The following EWSR1 variants were observed in gnomAD, a reference collection of about 807,000 sequenced individuals.
The protein encoded by EWSR1 is EWS RNA binding protein 1.
EWSR1 carries 14 observed loss-of-function variants against 92.1 expected under a neutral mutation model. The ratio of observed to expected loss-of-function variants is 0.15; its 90% CI spans 0.10 to 0.24. EWSR1 has a LOEUF of 0.24. Ranked by LOEUF, EWSR1 falls within the 10% of genes least tolerant of loss-of-function variation. The probability of loss-of-function intolerance (pLI) is 1.00; values close to 1 mark genes in which losing one functional copy is unlikely to be tolerated. For missense variants in EWSR1, 637 were observed against 870.9 expected (o/e 0.73, Z 3.38); for synonymous variants, 303 against 292.9 (o/e 1.03, Z -0.35).
chr22:29,287,837 A>G (rs2060163192), intron 7 of EWSR1, among the ~76,000 whole-genome samples: 1 of 152,150 alleles, frequency 6.6e-6, no homozygotes, highest in Non-Finnish European at 1.5e-5. Flanking sequence ...TTTGATAGTC[A>G]AGTAAAAGCT....
chr22:29,278,279 C>T, intron 5 of EWSR1, 63 bp downstream of exon 5: 1 of 1,485,990 alleles, frequency 6.7e-7, no homozygotes, highest in Non-Finnish European at 9.1e-7. Flanking sequence ...CAACTGTGTA[C>T]ACTTAAAATA....
At chr22:29,292,972 A>G (rs977724361) in intron 11 of EWSR1, among the ~76,000 whole-genome samples, 6 of 150,308 alleles carry the variant, frequency 4.0e-5, no homozygotes, top group African/African-American at 1.5e-4. Context: ...CGGGTCTCAA[A>G]CTCCTGACCT....
Position 29,296,378 on chromosome 22 carries a change from ACTCACTGGCAT to A in EWSR1, c.1294+11_1294+21del, listed in dbSNP as rs1230696744. 1.2e-6 allele frequency: 2 copies of A among 1,613,402 alleles called. No homozygotes were observed. Among genetic ancestry groups the A allele is most frequent in the African/African-American group, 2.7e-5 (2 of 74,916 alleles). On this transcript the variant is annotated intron_variant, in intron 12 of 16. Transcript: ENST00000397938. The stretch of plus-strand genomic sequence containing the variant: ...GTGGAATGGTTTGATGGTGAGATGT[ACTCACTGGCAT>A]TCTTAATCTCCCTGGCTATAGAATA...
chr22:29,284,700 C>T (rs948278890), intron 6 of EWSR1, among the ~76,000 whole-genome samples: 2 of 151,200 alleles, frequency 1.3e-5, no homozygotes, highest in Non-Finnish European at 2.9e-5. Flanking sequence ...CAGTCGTAGC[C>T]CCCTGTAGCC....
At chr22:29,274,143 A>G (rs2058917988) in intron 4 of EWSR1, 1 of 1,071,396 alleles carries the variant, frequency 9.3e-7, no homozygotes, top group South Asian at 1.3e-5. Context: ...AGATTTTGCT[A>G]ATGCTAATAC....
chr22:29,299,984 CCTGGGGGCTCTGG>C, intron 16 of EWSR1, 125 bp from the exon 17 acceptor site: 3 of 1,422,680 alleles, frequency 2.1e-6, no homozygotes, highest in East Asian at 2.4e-5. Context: ...GGAAGGGGCA[CCTGGGGGCTCTGG>C]AAGGGCTTCC....
chr22:29,292,762 C>CTTTTTTTTTTTTTTT (rs34395867), intron 11 of EWSR1, among the ~76,000 whole-genome samples, 156 bp downstream of exon 11: 1 of 100,844 alleles, frequency 9.9e-6, no homozygotes, highest in African/African-American at 4.0e-5. Context: ...AAAGATTAGC[C>CTTTTTTTTTTTTTTT]TTTTTTTTTT....
intron 5 of EWSR1, among the ~76,000 whole-genome samples, chr22:29,279,684 T>C (rs189377613): frequency 6.6e-6 from 1 of 152,228 alleles, no homozygotes; most frequent in Non-Finnish European, 1.5e-5. Context: ...GGTAAGAAAT[T>C]AGCTCTGACA....
chr22:29,277,976 C>G, intron 4 of EWSR1, 54 bp from the exon 5 acceptor site: 1 of 1,520,718 alleles, frequency 6.6e-7, no homozygotes, highest in Non-Finnish European at 9.0e-7. Context: ...TAATGAGTGT[C>G]TAGGCAGATC....
chr22:29,274,153 CTGAG>C lies in EWSR1; in HGVS notation c.226+291_226+294del, dbSNP rs2058919878. 6 of 1,168,558 alleles carry C rather than the reference CTGAG, an allele frequency of 5.1e-6. No individual in the cohort carries two copies. The South Asian group carries it at 7.4e-5, about 14-fold the overall frequency. 72.4% of individuals were successfully genotyped at this position (1,168,558 alleles called of 1,614,324 possible). A position where few individuals can be genotyped will look rare whatever the true frequency, so the allele number is the denominator to read the frequency against. On this transcript the variant is annotated intron_variant, in intron 4 of 16. Coordinates refer to ENST00000397938, the MANE Select transcript of EWSR1 (RefSeq NM_005243.4). ...GTAAAAGATTTTGCTAATGCTAATACTGAGTAAGAATGAGTCTTCTTAAATTGAG... is the reference window on the plus strand; with the variant it reads ...GTAAAAGATTTTGCTAATGCTAATACTAAGAATGAGTCTTCTTAAATTGAG...
intron 12 of EWSR1, 80 bp from the exon 13 acceptor site, chr22:29,297,747 G>A: frequency 1.3e-6 from 2 of 1,566,880 alleles, no homozygotes; most frequent in Non-Finnish European, 1.7e-6. Context: ...ATGCATCTGG[G>A]AGTGGTCATT....
chr22:29,287,191 G>C, intron 7 of EWSR1, 57 bp downstream of exon 7: 1 of 1,533,370 alleles, frequency 6.5e-7, no homozygotes. Flanking sequence ...GTTTTTTTGT[G>C]GGGTTGATTT....
rs2147850454 is a variant in EWSR1, at chr22:29,299,696, T to G, written c.1776T>G (p.Arg592=). Reference sequence around the variant, plus strand: ...CCGGTGGAATGTTCAGAGGTGGCCGTGGTGGAGACAGAGGTGGCTTCCGTG... The same window carrying G: ...CCGGTGGAATGTTCAGAGGTGGCCGGGGTGGAGACAGAGGTGGCTTCCGTG... The part of the protein sequence containing the change: ...GGPGGMFRGG[R]GGDRGGFRGG... Residue 592 remains arginine (R), a synonymous_variant, in exon 16 of 17, where the codon CGT becomes CGG. Transcript: ENST00000397938. 1.2e-6 allele frequency: 2 copies of G among 1,612,232 alleles called. No homozygotes were observed. The highest frequency in any genetic ancestry group is 1.7e-6 in the Non-Finnish European group (2 of 1,179,186).
intron 5 of EWSR1, 44 bp downstream of exon 5, chr22:29,278,260 G>T: frequency 6.3e-7 from 1 of 1,576,392 alleles, no homozygotes; most frequent in South Asian, 1.1e-5. Context: ...ATGTTGGAGG[G>T]AAAGAAAGCA....
chr22:29,294,475 G>A (rs1296119104), intron 11 of EWSR1, among the ~76,000 whole-genome samples: 2 of 151,136 alleles, frequency 1.3e-5, no homozygotes, highest in Non-Finnish European at 2.9e-5. Context: ...GCTTGGTGGC[G>A]GGCACCTGTA....
chr22:29,298,020 T>C (rs2061002702), intron 13 of EWSR1, 71 bp downstream of exon 13: 1 of 1,474,960 alleles, frequency 6.8e-7, no homozygotes, highest in South Asian at 1.3e-5. Context: ...GAAACTTGAT[T>C]ATTAGAGTGA....
At chr22:29,289,360 G>A (rs1451409656) in intron 8 of EWSR1, 1 of 229,918 alleles carries the variant, frequency 4.3e-6, no homozygotes, top group Non-Finnish European at 8.6e-6. Flanking sequence ...GCAGAGTAAT[G>A]TATATAATTA....
intron 11 of EWSR1, 115 bp downstream of exon 11, chr22:29,292,721 C>T: frequency 5.3e-6 from 3 of 564,532 alleles, no homozygotes; most frequent in South Asian, 3.1e-5. Context: ...TGACTTCTTT[C>T]TAGGTATCTT....
rs1286827604 is a variant in EWSR1 at position 29,298,933 on chromosome 22, G to A, written c.1580+38G>A. The A allele has an allele frequency of 4.0e-6, 6 of 1,514,554 alleles. No homozygotes were observed. The Admixed American group carries it at 1.3e-4, about 34-fold the overall frequency. The allele number at this position is 1,514,554 out of a possible 1,614,324, so 93.8% of individuals were successfully genotyped here. On this transcript the variant is annotated intron_variant, in intron 14 of 16. Coordinates refer to ENST00000397938, the MANE Select transcript of EWSR1 (RefSeq NM_005243.4). ...CTTGGCAAATTGATACCCTACGAGT[G>A]AAGCCACCCTTCCCTCACCCCATCC...
Sources: gnomAD v4.1 joint callset for allele counts (sites outside exome capture counted in the v4.1 genomes callset) on GRCh38, gnomAD v4.1.1 for gene constraint, MANE v1.5 for transcripts, NCBI Gene and HGNC (gene_info 2026-07-23, HGNC 2026-07-21) for gene names.